Variants in ELMO1 observed in about 807,000 individuals in gnomAD.
ELMO1 encodes the protein engulfment and cell motility protein 1.
ELMO1 carries 26 observed loss-of-function variants against 98.9 expected under a neutral mutation model. That is an observed-to-expected ratio of 0.26 (90% CI 0.19 to 0.36). The LOEUF is 0.36. Ranked by LOEUF, ELMO1 falls within the 10% of genes least tolerant of loss-of-function variation. The pLI is 1.00. For synonymous variants in ELMO1, 346 were observed against 346.0 expected (o/e 1.00, Z 0.00); for missense variants, 627 against 935.2 (o/e 0.67, Z 4.30).
chr7:36,859,350 A>G (rs537808323), intron 21 of ELMO1, among the ~76,000 whole-genome samples: 1 of 152,320 alleles, frequency 6.6e-6, no homozygotes, highest in East Asian at 1.9e-4. Flanking sequence ...TATTGTTGGG[A>G]AATGCATACA....
At chr7:36,898,187 T>C (rs1399624400) in intron 16 of ELMO1, among the ~76,000 whole-genome samples, 1 of 152,266 alleles carries the variant, frequency 6.6e-6, no homozygotes, top group African/African-American at 2.4e-5. Context: ...TGTTAATGTT[T>C]CACATGTGCA....
intron 16 of ELMO1, among the ~76,000 whole-genome samples, chr7:36,990,985 A>T (rs1287121109): frequency 1.3e-5 from 2 of 151,988 alleles, no homozygotes; most frequent in African/African-American, 4.8e-5. Flanking sequence ...CATTCCTTTC[A>T]TTTTCCAGCT....
At chr7:37,336,969 A>T (rs1372902173) in intron 2 of ELMO1, among the ~76,000 whole-genome samples, 1 of 152,166 alleles carries the variant, frequency 6.6e-6, no homozygotes, top group African/African-American at 2.4e-5. Context: ...GAATAAGAGA[A>T]GAGAACATGG....
At chr7:37,287,694 A>C (rs1797465755) in intron 4 of ELMO1, among the ~76,000 whole-genome samples, 1 of 152,214 alleles carries the variant, frequency 6.6e-6, no homozygotes, top group East Asian at 1.9e-4. Flanking sequence ...CCCCAGGATA[A>C]AATAGTAGCT....
At chr7:37,351,610 T>G (rs1183907015) in intron 1 of ELMO1, among the ~76,000 whole-genome samples, 1 of 152,220 alleles carries the variant, frequency 6.6e-6, no homozygotes, top group Non-Finnish European at 1.5e-5. Context: ...TTCAGTTCTC[T>G]GTACTACCCT....
intron 15 of ELMO1, among the ~76,000 whole-genome samples, chr7:37,019,776 A>G (rs1212992629): frequency 6.6e-6 from 1 of 152,228 alleles, no homozygotes; most frequent in Non-Finnish European, 1.5e-5. Flanking sequence ...TTTTAACACA[A>G]TGAGATTTTA....
chr7:37,183,821 T>C (rs1791031897), intron 13 of ELMO1, among the ~76,000 whole-genome samples: 1 of 152,136 alleles, frequency 6.6e-6, no homozygotes, highest in African/African-American at 2.4e-5. Context: ...TATAATAAAA[T>C]AAAGGCAAAA....
chr7:37,410,020 T>A (rs1299427469), intron 1 of ELMO1, among the ~76,000 whole-genome samples: 1 of 152,200 alleles, frequency 6.6e-6, no homozygotes, highest in Non-Finnish European at 1.5e-5. Context: ...CAAAGTCACA[T>A]AGCTATTAAG....
intron 16 of ELMO1, among the ~76,000 whole-genome samples, chr7:36,993,069 G>T (rs888866125): frequency 6.6e-6 from 1 of 152,188 alleles, no homozygotes; most frequent in African/African-American, 2.4e-5. Flanking sequence ...AGCAGACTCA[G>T]CTTACCCTGG....
At position 37,189,492 on chromosome 7, in the gene ELMO1, G is replaced by A. The variant is rs189278619; in HGVS notation, c.1086+21894C>T. On this transcript the variant is annotated intron_variant, in intron 13 of 21. Transcript: ENST00000310758. ...TGCTATATAACTGAAGAAAGACACA[G>A]GGAAGTTTATGGCAACCCAAGGGCA... Among the ~76,000 whole-genome samples the A allele has an allele frequency of 2.0e-3, 302 of 152,308 alleles. 1 individual carries two copies. Among genetic ancestry groups the A allele is most frequent in the Non-Finnish European group, 3.2e-3 (217 of 68,032 alleles).
intron 16 of ELMO1, among the ~76,000 whole-genome samples, chr7:36,941,490 T>C (rs1787031969): frequency 6.6e-6 from 1 of 152,236 alleles, no homozygotes; most frequent in Admixed American, 6.5e-5. Context: ...ATCTCTTATC[T>C]ACAAACATAT....
At chr7:37,182,471 T>C (rs1354816125) in intron 13 of ELMO1, among the ~76,000 whole-genome samples, 1 of 143,562 alleles carries the variant, frequency 7.0e-6, no homozygotes, top group Non-Finnish European at 1.5e-5. Flanking sequence ...ACTTTTTTTT[T>C]TTTTTTTTTT....
intron 16 of ELMO1, among the ~76,000 whole-genome samples, chr7:36,984,054 G>A (rs1022896655): frequency 2.7e-5 from 4 of 150,334 alleles, no homozygotes; most frequent in Admixed American, 1.3e-4. Flanking sequence ...CCAGCACTTC[G>A]CTCATGTAAA....
intron 13 of ELMO1, among the ~76,000 whole-genome samples, chr7:37,144,318 A>T (rs1787846137): frequency 6.6e-6 from 1 of 152,142 alleles, no homozygotes; most frequent in African/African-American, 2.4e-5. Flanking sequence ...ATAGCCAGTG[A>T]AATAATTTTA....
At chr7:37,320,309 T>C (rs1799415688) in intron 2 of ELMO1, among the ~76,000 whole-genome samples, 1 of 151,940 alleles carries the variant, frequency 6.6e-6, no homozygotes, top group South Asian at 2.1e-4. Context: ...GTCAGTCACT[T>C]AGCTTGTCAG....
intron 8 of ELMO1, 141 bp downstream of exon 8, chr7:37,232,954 A>C (rs1174012869): frequency 1.3e-6 from 1 of 757,272 alleles, no homozygotes; most frequent in African/African-American, 1.8e-5. Flanking sequence ...ACCCCCACAT[A>C]CATAATATTA....
intron 15 of ELMO1, among the ~76,000 whole-genome samples, chr7:37,069,904 A>G (rs1371018872): frequency 6.6e-6 from 1 of 152,186 alleles, no homozygotes. Flanking sequence ...TGAGAACATG[A>G]GCTAATTTCT....
intron 15 of ELMO1, among the ~76,000 whole-genome samples, chr7:37,074,373 G>A (rs1797448035): frequency 3.9e-5 from 6 of 152,044 alleles, no homozygotes; most frequent in Admixed American, 3.9e-4. Context: ...TCTTTGCTCA[G>A]TAGCTTAAAA....
intron 14 of ELMO1, among the ~76,000 whole-genome samples, chr7:37,130,614 G>A (rs963612663): frequency 1.3e-5 from 2 of 152,182 alleles, no homozygotes; most frequent in African/African-American, 4.8e-5. Flanking sequence ...TCTTGGAGCA[G>A]GATGCTGAAA....
Sources: allele counts gnomAD v4.1 joint callset (sites outside exome capture counted in the v4.1 genomes callset), GRCh38; gene constraint gnomAD v4.1.1; transcripts MANE v1.5; gene names NCBI Gene and HGNC (gene_info 2026-07-23, HGNC 2026-07-21).